Variants in PDZK1 observed in about 807,000 individuals in gnomAD.
PDZK1 encodes Na(+)/H(+) exchange regulatory cofactor NHE-RF3.
A neutral mutation model predicts 38.1 loss-of-function variants in PDZK1; 23 were observed. That is an observed-to-expected ratio of 0.60 (90% CI 0.43 to 0.85). The LOEUF is 0.85. PDZK1 is among the 40% of genes least tolerant of loss of function. The probability of loss-of-function intolerance (pLI) is 0.00; values close to 1 mark genes in which losing one functional copy is unlikely to be tolerated. For synonymous variants in PDZK1, 98 were observed against 186.2 expected, an observed-to-expected ratio of 0.53 and a Z score of 3.86; for missense variants, 297 against 504.3, an observed-to-expected ratio of 0.59 and a Z score of 3.94.
chr1:145,705,457 G>A (rs1656193749), intron 1 of PDZK1, among the ~76,000 whole-genome samples: 1 of 152,110 alleles, frequency 6.6e-6, no homozygotes, highest in Non-Finnish European at 1.5e-5. Context: ...GGAGGTGGGA[G>A]GCTGATTTAG....
At chr1:145,671,754 GT>G (rs1653080766) in intron 8 of PDZK1, 1 of 382,424 alleles carries the variant, frequency 2.6e-6, no homozygotes, top group Admixed American at 4.3e-5. Flanking sequence ...ACACTTGATT[GT>G]TTTCAACTTG....
chr1:145,688,475 C>T (rs1654987130), intron 1 of PDZK1, among the ~76,000 whole-genome samples: 1 of 152,138 alleles, frequency 6.6e-6, no homozygotes, highest in African/African-American at 2.4e-5. Context: ...AACATTATTA[C>T]ATTCCTATAA....
At chr1:145,684,545 A>G (rs1654583212) in intron 3 of PDZK1, among the ~76,000 whole-genome samples, 1 of 152,178 alleles carries the variant, frequency 6.6e-6, no homozygotes, top group African/African-American at 2.4e-5. Context: ...ACATTTGTAC[A>G]TATTTATAGG....
In PDZK1 at chr1:145,686,551, G is replaced by A. The variant is rs782668863; in HGVS notation, c.386C>T (p.Thr129Ile). The A allele has an allele frequency of 9.3e-6, 15 of 1,611,602 alleles. No homozygotes were observed. The highest frequency in any genetic ancestry group is 1.2e-5 in the Non-Finnish European group (14 of 1,179,756). Reference sequence around the variant, plus strand: ...ATAGCAGAGCCGGGGCTGGGTCCAAGTTTGCACACCTCCATTCATCACAGG... The same window carrying A: ...ATAGCAGAGCCGGGGCTGGGTCCAAATTTGCACACCTCCATTCATCACAGG... The part of the protein sequence containing the change: ...LSPVMNGGVQ[T>I]WTQPRLCYLV... The change falls in exon 3 of 9, where the codon ACT (threonine) becomes ATT (isoleucine). Residue 129 changes from threonine to isoleucine, a missense_variant. Thr to Ile is a moderately conservative substitution (Grantham distance 89). This residue lies in a region of PDZK1 where 159 missense variants were observed against 200.0 expected (regional missense o/e 0.79). Coordinates refer to ENST00000417171, the MANE Select transcript of PDZK1 (RefSeq NM_001201325.2).
chr1:145,699,281 G>C (rs114531592), intron 1 of PDZK1, among the ~76,000 whole-genome samples: 3,242 of 152,122 alleles, frequency 0.021, 123 homozygotes, highest in African/African-American at 0.074. Context: ...AGCTGGGCGT[G>C]GTTGTGCGTG....
intron 1 of PDZK1, among the ~76,000 whole-genome samples, chr1:145,706,017 G>A (rs1365676072): frequency 1.3e-5 from 2 of 152,166 alleles, no homozygotes; most frequent in African/African-American, 2.4e-5. Context: ...GCATCCCAAA[G>A]TGCTGGGATT....
intron 2 of PDZK1, among the ~76,000 whole-genome samples, chr1:145,687,256 A>G (rs1022969333): frequency 2.0e-5 from 3 of 151,882 alleles, no homozygotes; most frequent in Non-Finnish European, 4.4e-5. Flanking sequence ...GTGGTGGCTC[A>G]TGCCTGTAAT....
chr1:145,702,615 C>T (rs1318951271), intron 1 of PDZK1, among the ~76,000 whole-genome samples: 7 of 152,074 alleles, frequency 4.6e-5, no homozygotes, highest in Admixed American at 1.3e-4. Flanking sequence ...GAAGCTCGGC[C>T]GGGTGCAGTG....
intron 1 of PDZK1, among the ~76,000 whole-genome samples, chr1:145,699,104 G>C (rs1553704639): frequency 1.3e-5 from 2 of 151,996 alleles, no homozygotes; most frequent in Non-Finnish European, 2.9e-5. Flanking sequence ...CAGGCTTGGT[G>C]GTGGGCATCT....
At chr1:145,702,240 T>C (rs1655998494) in intron 1 of PDZK1, among the ~76,000 whole-genome samples, 1 of 151,928 alleles carries the variant, frequency 6.6e-6, no homozygotes, top group South Asian at 2.1e-4. Flanking sequence ...CCATAAACAA[T>C]ACTTTGTCCT....
chr1:145,685,988 G>C lies in PDZK1; in HGVS notation c.460+489C>G, dbSNP rs187143986. Among the ~76,000 whole-genome samples, 518 of 152,278 alleles carry C rather than the reference G, an allele frequency of 3.4e-3. 1 individual carries two copies. Among genetic ancestry groups the C allele is most frequent in the Non-Finnish European group, 5.5e-3 (375 of 68,030 alleles). On this transcript the variant is annotated intron_variant, in intron 3 of 8. Transcript: ENST00000417171. ...TGCGGTATTCTCAGCAAAGGTAACA[G>C]TGCCTGGCACATCAGCAGGTGCTCA...
chr1:145,680,357 G>A (rs1571590679), intron 5 of PDZK1, among the ~76,000 whole-genome samples: 1 of 152,248 alleles, frequency 6.6e-6, no homozygotes, highest in African/African-American at 2.4e-5. Flanking sequence ...TATACGGCCC[G>A]AACTCATGTT....
intron 1 of PDZK1, among the ~76,000 whole-genome samples, chr1:145,688,857 G>T (rs587722450): frequency 6.6e-6 from 1 of 152,168 alleles, no homozygotes; most frequent in East Asian, 1.9e-4. Flanking sequence ...TATTCGGGAG[G>T]CTGAGGCAGG....
intron 1 of PDZK1, among the ~76,000 whole-genome samples, chr1:145,705,048 C>A: frequency 6.6e-6 from 1 of 152,240 alleles, no homozygotes; most frequent in South Asian, 2.1e-4. Context: ...AAGATCCCTG[C>A]AGTCTTGAAG....
intron 3 of PDZK1, among the ~76,000 whole-genome samples, chr1:145,683,788 AT>A (rs1306141142): frequency 6.6e-6 from 1 of 150,964 alleles, no homozygotes; most frequent in South Asian, 2.1e-4. Flanking sequence ...AGCATACAGT[AT>A]TTTTTCTTTC....
At chr1:145,697,543 C>G (rs1655696206) in intron 1 of PDZK1, among the ~76,000 whole-genome samples, 1 of 152,044 alleles carries the variant, frequency 6.6e-6, no homozygotes, top group Non-Finnish European at 1.5e-5. Context: ...AAATGGAAGT[C>G]TGGGCCTGAT....
At chr1:145,694,853 C>T (rs587743511) in intron 1 of PDZK1, among the ~76,000 whole-genome samples, 4 of 130,012 alleles carry the variant, frequency 3.1e-5, no homozygotes, top group East Asian at 2.5e-4. Context: ...GCTGAGATCG[C>T]GCCAGTACAC....
intron 1 of PDZK1, among the ~76,000 whole-genome samples, chr1:145,695,769 T>A: frequency 6.6e-6 from 1 of 152,164 alleles, no homozygotes; most frequent in South Asian, 2.1e-4. Flanking sequence ...TCACACGTGA[T>A]AAAGGGCCTG....
rs71077285 is a variant in PDZK1 at position 145,677,910 on chromosome 1, T to TAAAA, written c.990+535_990+538dup. ...ACAACCTCAGTTCTTGTGTTAAAAG[T>TAAAA]AAAAAAAAAAAAAAAAAAAAAAAAA... On this transcript the variant is annotated intron_variant, in intron 6 of 8. Coordinates refer to ENST00000417171, the MANE Select transcript of PDZK1 (RefSeq NM_001201325.2). Among the ~76,000 whole-genome samples, 88 of 68,602 alleles carry TAAAA rather than the reference T, an allele frequency of 1.3e-3. 1 individual carries two copies. The highest frequency in any genetic ancestry group is 2.6e-3 in the African/African-American group (46 of 17,526). 45.0% of individuals were successfully genotyped at this position (68,602 alleles called of 152,430 possible).
Sources: allele counts gnomAD v4.1 joint callset (sites outside exome capture counted in the v4.1 genomes callset), GRCh38; gene constraint gnomAD v4.1.1; regional missense constraint gnomAD v4.1.1; transcripts MANE v1.5; gene names NCBI Gene and HGNC (gene_info 2026-07-23, HGNC 2026-07-21).